Variants in CD2AP observed in about 807,000 individuals in gnomAD.
CD2AP encodes CD2-associated protein.
In CD2AP, 46 loss-of-function variants were observed where a neutral mutation model predicts 85.1. That is an observed-to-expected ratio of 0.54 (90% CI 0.43 to 0.69). The LOEUF is 0.69. Ranked by LOEUF, CD2AP falls within the 30% of genes least tolerant of loss-of-function variation. The probability of loss-of-function intolerance (pLI) is 0.00; values close to 1 mark genes in which losing one functional copy is unlikely to be tolerated. For synonymous variants in CD2AP, 255 were observed against 252.9 expected, an observed-to-expected ratio of 1.01 and a Z score of -0.08; for missense variants, 769 against 729.5, an observed-to-expected ratio of 1.05 and a Z score of -0.62.
intron 7 of CD2AP, 53 bp downstream of exon 7, chr6:47,576,655 T>G: frequency 8.0e-7 from 1 of 1,255,378 alleles, no homozygotes; most frequent in Non-Finnish European, 1.2e-6. Flanking sequence ...CATACTCAAA[T>G]GTATTAAGAG....
intron 5 of CD2AP, among the ~76,000 whole-genome samples, chr6:47,558,254 CA>C (rs1478231665): frequency 6.6e-6 from 1 of 152,166 alleles, no homozygotes; most frequent in African/African-American, 2.4e-5. Flanking sequence ...TCTAAATATA[CA>C]ATCATGTCAT....
At chr6:47,555,421 G>T (rs564058221) in intron 5 of CD2AP, among the ~76,000 whole-genome samples, 2 of 152,136 alleles carry the variant, frequency 1.3e-5, no homozygotes, top group East Asian at 1.9e-4. Context: ...TGTTTTTCTC[G>T]ATGGAAATGT....
chr6:47,515,155 A>T (rs1481325074), intron 2 of CD2AP, among the ~76,000 whole-genome samples: 2 of 152,180 alleles, frequency 1.3e-5, no homozygotes, highest in Non-Finnish European at 2.9e-5. Context: ...AATTTATGAT[A>T]AAAAGATAAT....
At chr6:47,516,551 T>A (rs1414807042) in intron 2 of CD2AP, among the ~76,000 whole-genome samples, 1 of 152,220 alleles carries the variant, frequency 6.6e-6, no homozygotes, top group East Asian at 1.9e-4. Flanking sequence ...GAAGGTCTTT[T>A]CATGATGTGC....
chr6:47,544,874 G>T lies in CD2AP; in HGVS notation c.420+168G>T, dbSNP rs1394263256. The T allele has an allele frequency of 1.5e-5, 8 of 546,240 alleles. No homozygotes were observed. The East Asian group carries it at 2.1e-4, about 14-fold the overall frequency. 33.8% of individuals were successfully genotyped at this position (546,240 alleles called of 1,614,324 possible). Reference sequence around the variant, plus strand: ...CCTTGCTGTATTTATATATGTATTTGTATTTCCTGCCTTTAGGAATAAAAA... The same window carrying T: ...CCTTGCTGTATTTATATATGTATTTTTATTTCCTGCCTTTAGGAATAAAAA... On this transcript the variant is annotated intron_variant, in intron 4 of 17. Transcript: ENST00000359314.
chr6:47,497,743 C>A (rs1385304571), intron 1 of CD2AP, among the ~76,000 whole-genome samples: 1 of 152,124 alleles, frequency 6.6e-6, no homozygotes, highest in African/African-American at 2.4e-5. Context: ...TTTTACAGTT[C>A]TTTGCCTTTC....
chr6:47,582,216 A>G (rs1181680980), intron 11 of CD2AP, 151 bp downstream of exon 11: 4 of 625,250 alleles, frequency 6.4e-6, no homozygotes, highest in Non-Finnish European at 8.8e-6. Flanking sequence ...GGGAGGGAGT[A>G]GTTCATTTCT....
chr6:47,492,452 A>G (rs116315442), intron 1 of CD2AP, among the ~76,000 whole-genome samples: 33 of 147,764 alleles, frequency 2.2e-4, no homozygotes, highest in African/African-American at 7.8e-4. Flanking sequence ...TCCTGGGTTC[A>G]AGTGATCCTC....
At chr6:47,518,215 GA>G (rs1766502258) in intron 2 of CD2AP, among the ~76,000 whole-genome samples, 1 of 152,118 alleles carries the variant, frequency 6.6e-6, no homozygotes, top group African/African-American at 2.4e-5. Context: ...TCAGAATACT[GA>G]GTTATGATTT....
chr6:47,616,569 T>C (rs927524194), intron 17 of CD2AP, among the ~76,000 whole-genome samples: 4 of 152,226 alleles, frequency 2.6e-5, no homozygotes, highest in African/African-American at 7.2e-5. Flanking sequence ...TCCAACATTA[T>C]CCTCTATTGG....
At chr6:47,508,048 C>G (rs367676816) in intron 2 of CD2AP, among the ~76,000 whole-genome samples, 7 of 152,292 alleles carry the variant, frequency 4.6e-5, no homozygotes, top group African/African-American at 1.7e-4. Flanking sequence ...TAGCATAATT[C>G]TTAAGGACCC....
intron 2 of CD2AP, among the ~76,000 whole-genome samples, chr6:47,511,100 AG>A (rs1766303161): frequency 1.6e-5 from 2 of 122,766 alleles, no homozygotes; most frequent in African/African-American, 2.9e-5. Context: ...AAAAAAAAAA[AG>A]GAATAGATGG....
At chr6:47,544,558 A>G (rs769583566) in intron 3 of CD2AP, 48 bp from the exon 4 acceptor site, 1 of 1,228,748 alleles carries the variant, frequency 8.1e-7, no homozygotes, top group Non-Finnish European at 1.2e-6. Context: ...TACTGTTTTT[A>G]AAAATGATCA....
intron 11 of CD2AP, among the ~76,000 whole-genome samples, chr6:47,587,039 A>T (rs930242371): frequency 5.9e-5 from 9 of 152,196 alleles, no homozygotes; most frequent in Non-Finnish European, 4.4e-5. Flanking sequence ...CTTTGGACAC[A>T]TGCATTCAGA....
At chr6:47,613,758 A>G (rs1296322770) in intron 17 of CD2AP, among the ~76,000 whole-genome samples, 7 of 152,164 alleles carry the variant, frequency 4.6e-5, no homozygotes, top group Non-Finnish European at 1.0e-4. Flanking sequence ...GAAGCCAGGG[A>G]TTGACTTCTC....
rs145334999 is a variant in CD2AP, at chr6:47,482,084, T to C, written c.4+3836T>C. On this transcript the variant is annotated intron_variant, in intron 1 of 17. Coordinates refer to ENST00000359314, the MANE Select transcript of CD2AP (RefSeq NM_012120.3). ...TGGATAAAATCTTGATTCATACAGA[T>C]AAGTAGTTGCAAATGGAAATTGCAT... Among the ~76,000 whole-genome samples, 357 of 152,340 alleles carry C rather than the reference T, an allele frequency of 2.3e-3. 3 individuals are homozygous for C. Among genetic ancestry groups the C allele is most frequent in the African/African-American group, 8.2e-3 (340 of 41,584 alleles).
chr6:47,562,391 A>G (rs1315886134), intron 5 of CD2AP, among the ~76,000 whole-genome samples: 1 of 152,198 alleles, frequency 6.6e-6, no homozygotes, highest in Non-Finnish European at 1.5e-5. Context: ...GACAGTATAT[A>G]TCAGATCTAA....
In CD2AP at chr6:47,574,188, A is replaced by G. The variant is rs141242954; in HGVS notation, c.666A>G (p.Glu222=). The G allele has an allele frequency of 1.5e-5, 24 of 1,614,102 alleles. No individual in the cohort carries two copies. Among genetic ancestry groups the G allele is most frequent in the Non-Finnish European group, 1.9e-5 (23 of 1,179,974 alleles). The change falls in exon 6 of 18, where the codon GAA becomes GAG. Residue 222 remains glutamate, a synonymous_variant. Transcript: ENST00000359314. The stretch of plus-strand genomic sequence containing the variant: ...TTGGATTTGGAGACATTTTTAAAGA[A>G]GGCTCTGTGAAACTTCGGACAAGAA... ...RGIGFGDIFK[E]GSVKLRTRTS...
At chr6:47,571,867 A>G (rs926552855) in intron 5 of CD2AP, among the ~76,000 whole-genome samples, 1 of 152,182 alleles carries the variant, frequency 6.6e-6, no homozygotes, top group Non-Finnish European at 1.5e-5. Flanking sequence ...ATCCTACCCT[A>G]AAAAAGCTTC....
Sources: allele counts gnomAD v4.1 joint callset (sites outside exome capture counted in the v4.1 genomes callset), GRCh38; gene constraint gnomAD v4.1.1; transcripts MANE v1.5; gene names NCBI Gene and HGNC (gene_info 2026-07-23, HGNC 2026-07-21).